Variants in RAI14 observed in about 807,000 individuals in gnomAD.
RAI14 encodes retinoic acid induced 14.
A neutral mutation model predicts 115.4 loss-of-function variants in RAI14; 45 were observed. The ratio of observed to expected loss-of-function variants is 0.39; its 90% CI spans 0.31 to 0.50. RAI14 has a LOEUF of 0.50. Among genes scored for constraint, RAI14 ranks in the 20% least tolerant of loss-of-function variants. The pLI is 0.85. For synonymous variants in RAI14, 371 were observed against 415.4 expected (o/e 0.89, Z 1.30); for missense variants, 939 against 1,131.2 (o/e 0.83, Z 2.44).
intron 3 of RAI14, among the ~76,000 whole-genome samples, chr5:34,777,295 T>G (rs932493305): frequency 1.3e-5 from 2 of 151,928 alleles, no homozygotes; most frequent in African/African-American, 4.8e-5. Context: ...AATAAATAGA[T>G]AAAGAAAATG....
chr5:34,695,507 A>G (rs1170105429), intron 2 of RAI14, among the ~76,000 whole-genome samples: 2 of 152,304 alleles, frequency 1.3e-5, no homozygotes, highest in Non-Finnish European at 2.9e-5. Context: ...TGAGCATTTG[A>G]AATGTGCTAG....
Position 34,824,071 on chromosome 5 carries a change from A to C in RAI14, c.2229A>C (p.Ala743=), listed in dbSNP as rs553799195. 2 of 1,614,242 alleles carry C rather than the reference A, an allele frequency of 1.2e-6. No homozygotes were observed. The highest frequency in any genetic ancestry group is 4.5e-5 in the East Asian group (2 of 44,890). ...HLQVITTLRT[A]AKEMEEKISN... The stretch of plus-strand genomic sequence containing the variant: ...AAGTGATAACCACGCTGCGGACTGC[A>C]GCAAAAGAGATGGAAGAAAAAATAA... The change falls in exon 15 of 18, where the codon GCA becomes GCC. Residue 743 remains alanine (A), a synonymous_variant. Coordinates refer to ENST00000265109, the MANE Select transcript of RAI14 (RefSeq NM_015577.3).
intron 15 of RAI14, among the ~76,000 whole-genome samples, chr5:34,825,598 G>A (rs1184267209): frequency 6.6e-6 from 1 of 152,088 alleles, no homozygotes; most frequent in Non-Finnish European, 1.5e-5. Context: ...AGGAGAGGAA[G>A]GGGGAGGAAT....
intron 5 of RAI14, among the ~76,000 whole-genome samples, chr5:34,805,929 T>G (rs1024151681): frequency 6.6e-6 from 1 of 152,166 alleles, no homozygotes. Flanking sequence ...TCTCATACTG[T>G]GTTTCTTGGG....
chr5:34,814,713 A>G (rs2150270603), intron 12 of RAI14, 44 bp downstream of exon 12: 1 of 1,404,162 alleles, frequency 7.1e-7, no homozygotes, highest in Non-Finnish European at 1.0e-6. Flanking sequence ...ATTTTAAGAT[A>G]CATGATAGAC....
Position 34,686,771 on chromosome 5 carries a change from G to C in RAI14, c.-48-101G>C, listed in dbSNP as rs140621198. On this transcript the variant is annotated intron_variant, in intron 1 of 17. Transcript: ENST00000265109. ...GCTGTTAACTGACCACCTTCCCAAC[G>C]CAACCCTGCTCTGTCTCCTTCCCAT... is the stretch of plus-strand genomic sequence containing the variant. The C allele has an allele frequency of 3.2e-5, 19 of 586,560 alleles. No homozygotes were observed. The African/African-American group carries it at 3.4e-4, about 11-fold the overall frequency. The allele number at this position is 586,560 out of a possible 1,614,324, so 36.3% of individuals were successfully genotyped here.
chr5:34,764,568 T>A (rs75762002), intron 3 of RAI14, among the ~76,000 whole-genome samples: 15,841 of 136,650 alleles, frequency 0.12, 917 homozygotes, highest in South Asian at 0.18. Context: ...TCTCTCTCTC[T>A]CTCACACACA....
intron 4 of RAI14, among the ~76,000 whole-genome samples, chr5:34,797,412 G>A (rs1269323837): frequency 2.0e-5 from 3 of 150,908 alleles, no homozygotes; most frequent in Non-Finnish European, 3.0e-5. Context: ...AATCTCAGTG[G>A]TTGGGAATCT....
chr5:34,657,775 A>G (rs1215050349), intron 1 of RAI14, among the ~76,000 whole-genome samples: 1 of 152,214 alleles, frequency 6.6e-6, no homozygotes, highest in Non-Finnish European at 1.5e-5. Context: ...CGCCTTAGCG[A>G]AGAGAGTCTC....
intron 2 of RAI14, among the ~76,000 whole-genome samples, chr5:34,689,230 C>T (rs1052322422): frequency 2.0e-5 from 3 of 151,720 alleles, no homozygotes; most frequent in African/African-American, 7.3e-5. Context: ...ATGGTAAAAC[C>T]CCATCTCCAC....
chr5:34,749,650 T>C (rs761029028), intron 2 of RAI14, among the ~76,000 whole-genome samples: 4 of 152,206 alleles, frequency 2.6e-5, no homozygotes, highest in Non-Finnish European at 5.9e-5. Flanking sequence ...ATTTGATGAA[T>C]AGGAAACTTA....
At chr5:34,662,745 T>TTTTA (rs869272839) in intron 1 of RAI14, among the ~76,000 whole-genome samples, 171 of 144,084 alleles carry the variant, frequency 1.2e-3, no homozygotes, top group Middle Eastern at 6.9e-3. Flanking sequence ...TTTTTTTTTT[T>TTTTA]AGACACAGAG....
chr5:34,808,433 A>C (rs1005672727), intron 6 of RAI14, 151 bp from the exon 7 acceptor site: 10 of 724,228 alleles, frequency 1.4e-5, no homozygotes, highest in Admixed American at 7.9e-5. Flanking sequence ...CCTCACTCCT[A>C]ACCTTCCTAA....
intron 1 of RAI14, among the ~76,000 whole-genome samples, chr5:34,662,720 G>GTTT (rs1195905445): frequency 7.1e-5 from 4 of 56,376 alleles, no homozygotes; most frequent in Admixed American, 2.4e-4. Flanking sequence ...AATTTAAACA[G>GTTT]ATTTTTTTTT....
At chr5:34,812,016 G>A (rs553594394) in intron 9 of RAI14, 71 bp downstream of exon 9, 7 of 1,369,398 alleles carry the variant, frequency 5.1e-6, no homozygotes, top group Admixed American at 2.1e-5. Flanking sequence ...ATAAAGGAAT[G>A]TGTGCAATAT....
At chr5:34,721,055 C>G (rs1463199622) in intron 2 of RAI14, among the ~76,000 whole-genome samples, 1 of 151,834 alleles carries the variant, frequency 6.6e-6, no homozygotes, top group African/African-American at 2.4e-5. Context: ...GGAACAAAGA[C>G]CTGCCTTCCC....
At chr5:34,820,851 A>G (rs1756749093) in intron 13 of RAI14, among the ~76,000 whole-genome samples, 1 of 152,158 alleles carries the variant, frequency 6.6e-6, no homozygotes, top group South Asian at 2.1e-4. Flanking sequence ...ACCAACAGGG[A>G]TTACTGTGGG....
intron 16 of RAI14, among the ~76,000 whole-genome samples, chr5:34,829,249 G>T (rs541570296): frequency 6.6e-6 from 1 of 151,970 alleles, no homozygotes; most frequent in Non-Finnish European, 1.5e-5. Flanking sequence ...GTGCAGTGGC[G>T]TGATCTCGGC....
intron 2 of RAI14, among the ~76,000 whole-genome samples, chr5:34,710,347 C>T (rs867672991): frequency 1.3e-5 from 2 of 152,174 alleles, no homozygotes; most frequent in African/African-American, 2.4e-5. Flanking sequence ...TCTTCTCCCT[C>T]TGTATGTATC....
Sources: allele counts gnomAD v4.1 joint callset (sites outside exome capture counted in the v4.1 genomes callset), GRCh38; gene constraint gnomAD v4.1.1; transcripts MANE v1.5; gene names NCBI Gene and HGNC (gene_info 2026-07-23, HGNC 2026-07-21).